IQGAP3: variants seen among roughly 807,000 people sequenced by gnomAD.
The protein encoded by IQGAP3 is IQ motif containing GTPase activating protein 3.
In IQGAP3, 165 loss-of-function variants were observed where a neutral mutation model predicts 208.2. The ratio of observed to expected loss-of-function variants is 0.79; its 90% CI spans 0.70 to 0.90. The LOEUF (loss-of-function observed/expected upper bound fraction) is 0.90, where lower values mean the gene tolerates loss of function less well. Among genes scored for constraint, IQGAP3 ranks in the 40% least tolerant of loss-of-function variants. IQGAP3 has a pLI of 0.00. For synonymous variants in IQGAP3, 703 were observed against 803.6 expected (o/e 0.87, Z 2.12); for missense variants, 1,811 against 2,043.1 (o/e 0.89, Z 2.19).
chr1:156,545,409 C>G (rs1024885004), intron 19 of IQGAP3, among the ~76,000 whole-genome samples: 1 of 152,134 alleles, frequency 6.6e-6, no homozygotes, highest in Non-Finnish European at 1.5e-5. Context: ...ATCCTAGATG[C>G]ATCAGACTTT....
intron 7 of IQGAP3, 43 bp downstream of exon 7, chr1:156,563,510 A>G (rs1443023453): frequency 6.6e-7 from 1 of 1,518,340 alleles, no homozygotes. Context: ...GCCCTCCCAT[A>G]CGCATTGAGC....
At position 156,566,359 on chromosome 1, in the gene IQGAP3, G is replaced by A. The variant is rs757447931; in HGVS notation, c.282+31C>T. 9.3e-6 allele frequency: 15 copies of A among 1,608,576 alleles called. No homozygotes were observed. In the South Asian group the frequency reaches 1.3e-4, roughly 14 times the overall value. On this transcript the variant is annotated intron_variant, in intron 3 of 37. Transcript: ENST00000361170. ...AGGAGAAAGCATAGTTTGAGGGGAC[G>A]AAGGTAGAAGGTGGGGTCCAATCCT... is the stretch of plus-strand genomic sequence containing the variant.
chr1:156,533,691 G>T (rs1007540408), intron 31 of IQGAP3, 82 bp downstream of exon 31: 3 of 1,147,910 alleles, frequency 2.6e-6, no homozygotes, highest in Admixed American at 2.0e-5. Context: ...GCATGGGCAC[G>T]CTCACATGCC....
At chr1:156,533,395 G>T (rs1486324355) in intron 31 of IQGAP3, among the ~76,000 whole-genome samples, 1 of 152,150 alleles carries the variant, frequency 6.6e-6, no homozygotes, top group East Asian at 1.9e-4. Flanking sequence ...GTGCCTCCCT[G>T]AGCCTGCAGC....
At chr1:156,551,575 A>C in intron 15 of IQGAP3, 130 bp downstream of exon 15, 11 of 964,462 alleles carry the variant, frequency 1.1e-5, no homozygotes, top group South Asian at 1.9e-5. Flanking sequence ...CCAGATTGGA[A>C]CACCCCCCTC....
At chr1:156,529,176 C>T (rs1301774227) in intron 34 of IQGAP3, 94 bp from the exon 35 acceptor site, 110 of 1,330,596 alleles carry the variant, frequency 8.3e-5, no homozygotes, top group Non-Finnish European at 1.1e-4. Flanking sequence ...CACTGTGAGG[C>T]TCTTCGGAAG....
intron 25 of IQGAP3, 25 bp from the exon 26 acceptor site, chr1:156,539,058 C>T (rs1674852926): frequency 1.3e-6 from 2 of 1,591,698 alleles, no homozygotes; most frequent in South Asian, 2.2e-5. Flanking sequence ...GTCATTGAAA[C>T]CAGTCTTCTG....
chr1:156,534,353 T>G, intron 29 of IQGAP3, 148 bp downstream of exon 29: 1 of 895,034 alleles, frequency 1.1e-6, no homozygotes, highest in East Asian at 2.6e-5. Flanking sequence ...CACTGGGGAG[T>G]CCTTCCAACA....
At chr1:156,568,893 C>T (rs1676518240) in intron 2 of IQGAP3, among the ~76,000 whole-genome samples, 1 of 10,752 alleles carries the variant, frequency 9.3e-5, no homozygotes, top group Non-Finnish European at 9.8e-3. Flanking sequence ...GTAGGATGTA[C>T]TTCAGGAAAA....
In IQGAP3 at chr1:156,537,233, C is replaced by T. The variant is rs34980426; in HGVS notation, c.3370G>A (p.Ala1124Thr). The T allele has an allele frequency of 4.7e-3, 7,602 of 1,613,942 alleles. 150 individuals are homozygous for T. Among genetic ancestry groups the T allele is most frequent in the East Asian group, 0.047 (2,100 of 44,854 alleles). ...RLDIALRNLL[A>T]MTDKFLLAIT... is the part of the protein sequence containing the mutation. ...GCTAAAAGGAACTTATCAGTCATGG[C>T]GAGGAGGTTGCGTAGGGCGATGTCC... The change falls in exon 27 of 38, where the codon GCC becomes ACC. Residue 1124 changes from alanine (A) to threonine (T), a missense_variant. Ala to Thr is a moderately conservative substitution (Grantham distance 58). Coordinates refer to ENST00000361170, the MANE Select transcript of IQGAP3 (RefSeq NM_178229.5).
intron 12 of IQGAP3, among the ~76,000 whole-genome samples, chr1:156,554,769 C>T (rs1675742986): frequency 6.6e-6 from 1 of 152,092 alleles, no homozygotes; most frequent in Non-Finnish European, 1.5e-5. Flanking sequence ...ATATCAAGAA[C>T]TGTATTAGCC....
At position 156,540,989 on chromosome 1, in the gene IQGAP3, T is replaced by C; in HGVS notation, c.2531-73A>G. ...GCCTCCTCACCAGCCCCTGCCCGAGTCAGCCCACCCCAGTCCCCGTTCTGC... is the reference window on the plus strand; with the variant it reads ...GCCTCCTCACCAGCCCCTGCCCGAGCCAGCCCACCCCAGTCCCCGTTCTGC... On this transcript the variant is annotated intron_variant, in intron 22 of 37. Transcript: ENST00000361170. 6.4e-6 allele frequency: 8 copies of C among 1,248,968 alleles called. No individual in the cohort carries two copies. The South Asian group carries it at 9.9e-5, about 16-fold the overall frequency. The allele number at this position is 1,248,968 out of a possible 1,614,324, so 77.4% of individuals were successfully genotyped here.
rs144890226 is a variant in IQGAP3 at position 156,554,305 on chromosome 1, T to C, written c.1378A>G (p.Ser460Gly). The C allele has an allele frequency of 2.5e-4, 397 of 1,614,170 alleles. 2 individuals carry two copies. In the African/African-American group the frequency reaches 4.7e-3, roughly 19 times the overall value. ...TTCACCAGGCTGCTCCAGAAGCCACTGGCATCCCGGGCCTCCAGGGCCCGG... is the reference window on the plus strand; with the variant it reads ...TTCACCAGGCTGCTCCAGAAGCCACCGGCATCCCGGGCCTCCAGGGCCCGG... ...INRALEARDA[S>G]GFWSSLVNPA... The change falls in exon 13 of 38, where the codon AGT becomes GGT. Residue 460 changes from serine to glycine, a missense_variant. Transcript: ENST00000361170.
At chr1:156,527,066 C>CA (rs1674108807) in intron 37 of IQGAP3, among the ~76,000 whole-genome samples, 2 of 150,904 alleles carry the variant, frequency 1.3e-5, no homozygotes, top group Admixed American at 1.3e-4. Flanking sequence ...CTGCTGACCT[C>CA]GTGATCCGCC....
At chr1:156,568,899 G>A (rs199861534) in intron 2 of IQGAP3, among the ~76,000 whole-genome samples, 2 of 152,060 alleles carry the variant, frequency 1.3e-5, no homozygotes, top group African/African-American at 2.4e-5. Context: ...TGTACTTCAG[G>A]AAAATGACCC....
At chr1:156,538,485 C>T (rs993114499) in intron 26 of IQGAP3, among the ~76,000 whole-genome samples, 3 of 152,192 alleles carry the variant, frequency 2.0e-5, no homozygotes, top group Non-Finnish European at 2.9e-5. Flanking sequence ...CCACTATGTC[C>T]GGCCCTACTA....
intron 37 of IQGAP3, among the ~76,000 whole-genome samples, chr1:156,527,426 T>C (rs1443386780): frequency 1.3e-5 from 2 of 151,966 alleles, no homozygotes; most frequent in African/African-American, 2.4e-5. Flanking sequence ...TGCAGTGAGC[T>C]GAGATTGCGC....
At position 156,556,544 on chromosome 1, in the gene IQGAP3, G is replaced by A. The variant is rs764129491; in HGVS notation, c.1279C>T (p.Gln427Ter). The A allele has an allele frequency of 1.1e-5, 18 of 1,614,146 alleles. No individual in the cohort carries two copies. The highest frequency in any genetic ancestry group is 1.4e-5 in the Non-Finnish European group (16 of 1,180,030). ...MYQLELAVLQ[Q>*]QQGELGQEEL... The stretch of plus-strand genomic sequence containing the variant: ...TTTCTGGGGCTTACCCCCTGCTGCT[G>A]CTGGAGCACTGCCAGCTCCAGCTGG... Residue 427 changes from glutamine to a stop codon, truncating the protein, a stop_gained, in exon 12 of 38, where the codon CAG (glutamine) becomes TAG (stop). Coordinates refer to ENST00000361170, the MANE Select transcript of IQGAP3 (RefSeq NM_178229.5). LOFTEE classifies it high-confidence loss of function.
chr1:156,556,429 C>T (rs1409727065), intron 12 of IQGAP3, 104 bp downstream of exon 12: 13 of 1,091,246 alleles, frequency 1.2e-5, no homozygotes, highest in Non-Finnish European at 1.4e-5. Flanking sequence ...AATCTCGTGC[C>T]AGCATCTCAT....
Sources: allele counts gnomAD v4.1 joint callset (sites outside exome capture counted in the v4.1 genomes callset), GRCh38; gene constraint gnomAD v4.1.1; transcripts MANE v1.5; gene names NCBI Gene and HGNC (gene_info 2026-07-23, HGNC 2026-07-21).